THSD1: variants seen among roughly 807,000 people sequenced by gnomAD.
The protein encoded by THSD1 is thrombospondin type-1 domain-containing protein 1.
A neutral mutation model predicts 46.3 loss-of-function variants in THSD1; 34 were observed. That is an observed-to-expected ratio of 0.74 (90% CI 0.56 to 0.98). The LOEUF (loss-of-function observed/expected upper bound fraction) is 0.98, where lower values mean the gene tolerates loss of function less well. Ranked by LOEUF, THSD1 falls within the 50% of genes least tolerant of loss-of-function variation. THSD1 has a pLI of 0.00. For missense variants in THSD1, 1,023 were observed against 1,058.3 expected (o/e 0.97, Z 0.46); for synonymous variants, 407 against 416.5 (o/e 0.98, Z 0.28).
chr13:52,396,889 T>C (rs1957816066), intron 3 of THSD1, among the ~76,000 whole-genome samples: 1 of 152,212 alleles, frequency 6.6e-6, no homozygotes, highest in South Asian at 2.1e-4. Flanking sequence ...TATGATTTAA[T>C]AATGGGATTT....
chr13:52,377,995 C>T lies in THSD1; in HGVS notation c.1975G>A (p.Ala659Thr), dbSNP rs756393929. 5 of 1,614,038 alleles carry T rather than the reference C, an allele frequency of 3.1e-6. No individual in the cohort carries two copies. The highest frequency in any genetic ancestry group is 4.2e-6 in the Non-Finnish European group (5 of 1,180,050). ...TCTCGGAACGGCCGGGCCTGCCTGGCTTCATGGAAACTCGCTGTCCTCCTG... is the reference window on the plus strand; with the variant it reads ...TCTCGGAACGGCCGGGCCTGCCTGGTTTCATGGAAACTCGCTGTCCTCCTG... ...HFRRTASFHE[A>T]RQARPFRERS... is the part of the protein sequence containing the mutation. The change falls in exon 5 of 5, where the codon GCC (alanine) becomes ACC (threonine). Residue 659 changes from alanine (A) to threonine (T), a missense_variant. Physicochemically the swap from Ala to Thr is moderately conservative, Grantham distance 58 (BLOSUM62 0). Transcript: ENST00000258613.
chr13:52,399,333 C>T (rs1418121804), intron 2 of THSD1, among the ~76,000 whole-genome samples: 1 of 152,216 alleles, frequency 6.6e-6, no homozygotes, highest in East Asian at 1.9e-4. Flanking sequence ...GGCAATACAA[C>T]AGTCAGCTGG....
At chr13:52,394,830 C>T (rs1184172240) in intron 3 of THSD1, among the ~76,000 whole-genome samples, 1 of 152,134 alleles carries the variant, frequency 6.6e-6, no homozygotes, top group Non-Finnish European at 1.5e-5. Context: ...ACCAAATGAG[C>T]TTCCCCCATC....
rs1392893829 is a variant in THSD1, at chr13:52,378,544, C to T, written c.1426G>A (p.Gly476Arg). 1.9e-6 allele frequency: 3 copies of T among 1,614,170 alleles called. No homozygotes were observed. The highest frequency in any genetic ancestry group is 2.2e-5 in the East Asian group (1 of 44,862). Residue 476 changes from glycine (G) to arginine (R), a missense_variant, in exon 5 of 5, where the codon GGG becomes AGG. By Grantham distance (125) the Gly-to-Arg change is moderately radical (BLOSUM62 -2). This residue lies in a region of THSD1 where 578 missense variants were observed against 497.4 expected (regional missense o/e 1.16). Coordinates refer to ENST00000258613, the MANE Select transcript of THSD1 (RefSeq NM_018676.4). ...ENICELSEQR[G>R]SFSDGGDGPT... ...CCGTCTCCCCCATCCGAGAAGCTCC[C>T]GCGCTGCTCGCTCAGCTCGCAGATA...
intron 3 of THSD1, among the ~76,000 whole-genome samples, chr13:52,391,467 C>T (rs1957772634): frequency 6.6e-6 from 1 of 151,904 alleles, no homozygotes; most frequent in South Asian, 2.1e-4. Context: ...ATCCATCTGC[C>T]TTGGCCTCCC....
intron 3 of THSD1, among the ~76,000 whole-genome samples, chr13:52,395,742 G>A (rs182364112): frequency 1.3e-5 from 2 of 152,294 alleles, no homozygotes; most frequent in Admixed American, 1.3e-4. Context: ...GGTCAATGAA[G>A]ACACTGGGTG....
At chr13:52,392,470 G>A (rs1435439590) in intron 3 of THSD1, among the ~76,000 whole-genome samples, 1 of 152,184 alleles carries the variant, frequency 6.6e-6, no homozygotes, top group Non-Finnish European at 1.5e-5. Flanking sequence ...TCATATGTTA[G>A]AAATGAAGAG....
chr13:52,384,932 A>G (rs562611522), intron 4 of THSD1, among the ~76,000 whole-genome samples: 2 of 150,354 alleles, frequency 1.3e-5, no homozygotes, highest in South Asian at 4.2e-4. Context: ...GGAAGCTACA[A>G]TAAGAAAAAA....
In THSD1 at chr13:52,390,648, A is replaced by C. The variant is rs138968403; in HGVS notation, c.1022-4462T>G. On this transcript the variant is annotated intron_variant, in intron 3 of 4. Transcript: ENST00000258613. ...AAAAGCTTTGAGAATCTCCTATTAA[A>C]GTCTCTCTGAGTTATAGTATTGTGA... 3.3e-3 allele frequency among the ~76,000 whole-genome samples: 495 copies of C among 152,274 alleles called. 3 individuals are homozygous for C. Among genetic ancestry groups the C allele is most frequent in the African/African-American group, 0.011 (446 of 41,562 alleles).
intron 1 of THSD1, among the ~76,000 whole-genome samples, chr13:52,403,320 G>A (rs1376186419): frequency 4.6e-5 from 7 of 152,102 alleles, no homozygotes; most frequent in Admixed American, 4.6e-4. Context: ...GGAGAAAACA[G>A]ACAAATAACA....
chr13:52,378,858 CTTTTCTTTTTTT>C (rs1957667735), intron 4 of THSD1, 69 bp from the exon 5 acceptor site: 1 of 1,327,764 alleles, frequency 7.5e-7, no homozygotes, highest in African/African-American at 1.5e-5. Flanking sequence ...TTTACTTTTT[CTTTTCTTTTTTT>C]TTTTTTTTTT....
At chr13:52,383,178 A>C (rs1290581854) in intron 4 of THSD1, among the ~76,000 whole-genome samples, 1 of 152,186 alleles carries the variant, frequency 6.6e-6, no homozygotes, top group Non-Finnish European at 1.5e-5. Flanking sequence ...CCTTCAAGAC[A>C]GTCATATCTT....
In THSD1 at chr13:52,397,904, A is replaced by T. The variant is rs1387448192; in HGVS notation, c.349T>A (p.Trp117Arg). The change falls in exon 3 of 5, where the codon TGG becomes AGG. Residue 117 changes from tryptophan to arginine, a missense_variant. Trp to Arg is a moderately radical substitution (Grantham distance 101, BLOSUM62 -3). This residue lies in a region of THSD1 where 429 missense variants were observed against 518.3 expected (regional missense o/e 0.83). Transcript: ENST00000258613. ...ACCTTCAGAAAGGCACTTTTCTCCC[A>T]CCAGGGGAATGGAGTGCTGTTGTCT... ...ATDNSTPFPW[W>R]EKSAFLKVEW... The T allele has an allele frequency of 2.5e-6, 4 of 1,614,220 alleles. No homozygotes were observed. In the Admixed American group the frequency reaches 6.7e-5, roughly 27 times the overall value.
rs186046951 is a variant in THSD1 at position 52,397,661 on chromosome 13, G to C, written c.592C>G (p.Gln198Glu). 1.1e-4 allele frequency: 178 copies of C among 1,614,208 alleles called. No homozygotes were observed. The highest frequency in any genetic ancestry group is 1.6e-4 in the Middle Eastern group (1 of 6,062). Reference protein sequence around the residue: ...IRTSKRTELAQGQWVEFGCAP... With the variant: ...IRTSKRTELAEGQWVEFGCAP... ...CAGCCAAACTCAACCCACTGACCTT[G>C]AGCAAGTTCTGTCCTTTTGCTGGTT... Residue 198 changes from glutamine (Q) to glutamate (E), a missense_variant, in exon 3 of 5, where the codon CAA (glutamine) becomes GAA (glutamate). Gln to Glu is a conservative substitution (Grantham distance 29). Coordinates refer to ENST00000258613, the MANE Select transcript of THSD1 (RefSeq NM_018676.4).
intron 2 of THSD1, chr13:52,399,946 G>C (rs1177850539): frequency 6.3e-6 from 1 of 158,304 alleles, no homozygotes; most frequent in African/African-American, 2.4e-5. Context: ...ATGGTTCTGT[G>C]GTCCATTTAA....
intron 2 of THSD1, among the ~76,000 whole-genome samples, chr13:52,401,305 C>CTT (rs1190403591): frequency 7.2e-6 from 1 of 138,664 alleles, no homozygotes; most frequent in African/African-American, 2.7e-5. Flanking sequence ...GGATAAATTA[C>CTT]TTTTTTTTTT....
chr13:52,396,761 G>C (rs1240651183), intron 3 of THSD1, among the ~76,000 whole-genome samples: 1 of 152,090 alleles, frequency 6.6e-6, no homozygotes, highest in Non-Finnish European at 1.5e-5. Flanking sequence ...TCACTAAAAA[G>C]GCCCCATTCC....
At chr13:52,401,132 A>G (rs1957856253) in intron 2 of THSD1, among the ~76,000 whole-genome samples, 1 of 151,384 alleles carries the variant, frequency 6.6e-6, no homozygotes, top group South Asian at 2.1e-4. Context: ...GTCTCACCAC[A>G]TCCAGCTAAT....
intron 2 of THSD1, among the ~76,000 whole-genome samples, 187 bp downstream of exon 2, chr13:52,402,356 G>A (rs4885953): frequency 0.5 from 76,341 of 151,944 alleles, 21,447 homozygotes; most frequent in Middle Eastern, 0.66. Context: ...AATGAAATAC[G>A]AATCAATCAT....
Sources: gnomAD v4.1 joint callset for allele counts (sites outside exome capture counted in the v4.1 genomes callset) on GRCh38, gnomAD v4.1.1 for gene constraint, gnomAD v4.1.1 regional missense constraint, MANE v1.5 for transcripts, NCBI Gene and HGNC (gene_info 2026-07-23, HGNC 2026-07-21) for gene names.